CSNK1G2: variants seen among roughly 807,000 people sequenced by gnomAD.
CSNK1G2 encodes casein kinase 1 gamma 2, also known as casein kinase I isoform gamma-2.
A neutral mutation model predicts 48.0 loss-of-function variants in CSNK1G2; 11 were observed. The ratio of observed to expected loss-of-function variants is 0.23; its 90% CI spans 0.14 to 0.38. The LOEUF (loss-of-function observed/expected upper bound fraction) is 0.38. Ranked by LOEUF, CSNK1G2 falls within the 10% of genes least tolerant of loss-of-function variation. CSNK1G2 has a pLI of 1.00. For synonymous variants in CSNK1G2, 337 were observed against 254.1 expected (o/e 1.33, Z -3.10); for missense variants, 446 against 595.5 (o/e 0.75, Z 2.61).
chr19:1,958,077 C>T (rs772893012), intron 1 of CSNK1G2, among the ~76,000 whole-genome samples: 2 of 152,072 alleles, frequency 1.3e-5, no homozygotes, highest in Admixed American at 6.5e-5. Flanking sequence ...TGAGGGACAT[C>T]GGTGGCTGAG....
chr19:1,974,490 G>A (rs1166016399), intron 2 of CSNK1G2, among the ~76,000 whole-genome samples: 2 of 152,162 alleles, frequency 1.3e-5, no homozygotes, highest in Non-Finnish European at 2.9e-5. Context: ...GACCCTTGGG[G>A]GGTGCATCAA....
At position 1,968,388 on chromosome 19, in the gene CSNK1G2, C is replaced by T. The variant is rs1245803387; in HGVS notation, c.-265-1120C>T. Among the ~76,000 whole-genome samples, 6 of 152,178 alleles carry T rather than the reference C, an allele frequency of 3.9e-5. No homozygotes were observed. In the South Asian group the frequency reaches 6.2e-4, roughly 16 times the overall value. ...CTCCTCCCTCCTCCCCAGGCTGTCCCGAGGCTCCTTGCTGGGGACCGTCCT... is the reference window on the plus strand; with the variant it reads ...CTCCTCCCTCCTCCCCAGGCTGTCCTGAGGCTCCTTGCTGGGGACCGTCCT... On this transcript the variant is annotated intron_variant, in intron 1 of 11. Coordinates refer to ENST00000255641, the MANE Select transcript of CSNK1G2 (RefSeq NM_001319.7).
At position 1,978,378 on chromosome 19, in the gene CSNK1G2, C is replaced by T. The variant is rs759779856; in HGVS notation, c.228+33C>T. On this transcript the variant is annotated intron_variant, in intron 3 of 11. Transcript: ENST00000255641. The surrounding 1 kb of genome is among the most constrained non-coding windows in gnomAD (Gnocchi z 7.3). Reference sequence around the variant, plus strand: ...GGCCCCTCCACCCCACCCCCGCTGACGTGCCCCCCAGGGATTTCAGGGCAG... The same window carrying T: ...GGCCCCTCCACCCCACCCCCGCTGATGTGCCCCCCAGGGATTTCAGGGCAG... 33 of 1,612,136 alleles carry T rather than the reference C, an allele frequency of 2.0e-5. 1 individual carries two copies. Among genetic ancestry groups the T allele is most frequent in the South Asian group, 1.6e-4 (15 of 91,050 alleles).
chr19:1,968,183 G>A (rs2015439945), intron 1 of CSNK1G2, among the ~76,000 whole-genome samples: 1 of 50,910 alleles, frequency 2.0e-5, no homozygotes, highest in Admixed American at 1.9e-4. Flanking sequence ...TCTGCAGGTG[G>A]GGCTCCTCCC....
At chr19:1,949,711 T>C (rs1241244986) in intron 1 of CSNK1G2, among the ~76,000 whole-genome samples, 1 of 152,226 alleles carries the variant, frequency 6.6e-6, no homozygotes, top group East Asian at 1.9e-4. Flanking sequence ...ATACCTGCAC[T>C]GTTTGGGTCC....
At chr19:1,945,184 G>A (rs1318129738) in intron 1 of CSNK1G2, among the ~76,000 whole-genome samples, 5 of 152,190 alleles carry the variant, frequency 3.3e-5, no homozygotes, top group African/African-American at 7.2e-5. Flanking sequence ...CTGTGCGCCC[G>A]CAAGGTTGCC....
chr19:1,976,379 A>T (rs2015756061), intron 2 of CSNK1G2, among the ~76,000 whole-genome samples: 1 of 152,110 alleles, frequency 6.6e-6, no homozygotes, highest in Admixed American at 6.5e-5. Flanking sequence ...CGTCCTCACG[A>T]TCCTGCACCC....
At position 1,957,609 on chromosome 19, in the gene CSNK1G2, C is replaced by T. The variant is rs1019416222; in HGVS notation, c.-265-11899C>T. 6.6e-5 allele frequency among the ~76,000 whole-genome samples: 10 copies of T among 152,338 alleles called. No individual in the cohort carries two copies. Among genetic ancestry groups the T allele is most frequent in the Admixed American group, 1.3e-4 (2 of 15,310 alleles). On this transcript the variant is annotated intron_variant, in intron 1 of 11. Coordinates refer to ENST00000255641, the MANE Select transcript of CSNK1G2 (RefSeq NM_001319.7). This position sits in a 1 kb window ranked among gnomAD's most constrained non-coding sequence, Gnocchi z 5.4. The stretch of plus-strand genomic sequence containing the variant: ...GTCCCCCATGTCCCCTCGCCCGGGG[C>T]GCGCTCCACAGGCTAGGCCACTTTC...
intron 2 of CSNK1G2, among the ~76,000 whole-genome samples, chr19:1,977,917 C>CT (rs1057308431): frequency 1.3e-5 from 2 of 152,148 alleles, no homozygotes; most frequent in Admixed American, 1.3e-4. Flanking sequence ...TGGGGCTCAC[C>CT]TGGGGGCCGA....
rs1414304945 is a variant in CSNK1G2, at chr19:1,946,301, A to ATTTATTTT, written c.-266+4886_-266+4887insATTTTTTT. ...TTATTTATTTATTTTTTATTTATTT[A>ATTTATTTT]TTTTTTTTAAGATGGAGTCTTGCAC... On this transcript the variant is annotated intron_variant, in intron 1 of 11. Transcript: ENST00000255641. Among the ~76,000 whole-genome samples the ATTTATTTT allele has an allele frequency of 3.5e-3, 256 of 72,946 alleles. 1 individual carries two copies. The highest frequency in any genetic ancestry group is 9.8e-3 in the Middle Eastern group (1 of 102). The allele number at this position is 72,946 out of a possible 152,430, so 47.9% of individuals were successfully genotyped here.
intron 1 of CSNK1G2, among the ~76,000 whole-genome samples, chr19:1,951,025 C>T (rs2014743066): frequency 1.4e-5 from 2 of 145,838 alleles, no homozygotes; most frequent in East Asian, 4.2e-4. Context: ...CTGTGTCTGT[C>T]CCCTGCTGTT....
At position 1,978,111 on chromosome 19, in the gene CSNK1G2, G is replaced by T. The variant is rs932472339; in HGVS notation, c.188-194G>T. Among the ~76,000 whole-genome samples, 1 of 152,102 alleles carries T rather than the reference G, an allele frequency of 6.6e-6. No individual in the cohort carries two copies. Among genetic ancestry groups the T allele is most frequent in the African/African-American group, 2.4e-5 (1 of 41,416 alleles). ...CGGTGACCACACGGGCAGGGTGCAG[G>T]TGTCGGGATGACTTGGCAGGCCATG... On this transcript the variant is annotated intron_variant, in intron 2 of 11. Transcript: ENST00000255641. This position sits in a 1 kb window ranked among gnomAD's most constrained non-coding sequence, Gnocchi z 7.3.
chr19:1,962,195 G>T (rs945804000), intron 1 of CSNK1G2, among the ~76,000 whole-genome samples: 5 of 152,160 alleles, frequency 3.3e-5, no homozygotes, highest in Non-Finnish European at 5.9e-5. Context: ...GCCAGATGTG[G>T]TGGCAGGTGC....
intron 1 of CSNK1G2, chr19:1,953,288 G>C (rs1280223687): frequency 4.2e-6 from 2 of 472,266 alleles, no homozygotes; most frequent in East Asian, 1.2e-4. Context: ...CTCTGCCCCC[G>C]GGCCACGGAG....
chr19:1,979,687 A>C (rs762606830), intron 9 of CSNK1G2, 44 bp downstream of exon 9: 11 of 1,601,436 alleles, frequency 6.9e-6, no homozygotes, highest in African/African-American at 2.7e-5. Context: ...GGACCGGGAA[A>C]CTGCCCTGAG....
intron 2 of CSNK1G2, among the ~76,000 whole-genome samples, chr19:1,977,134 G>T (rs2015785679): frequency 6.6e-6 from 1 of 152,238 alleles, no homozygotes. Flanking sequence ...TGAGAGACGG[G>T]GCTGCCCCAC....
intron 1 of CSNK1G2, among the ~76,000 whole-genome samples, chr19:1,959,620 CGT>C (rs2015125458): frequency 1.4e-5 from 1 of 72,220 alleles, no homozygotes; most frequent in Admixed American, 1.3e-4. Flanking sequence ...CCCCAGCACC[CGT>C]GCCACCTTTA....
intron 1 of CSNK1G2, among the ~76,000 whole-genome samples, chr19:1,963,090 G>C (rs986299498): frequency 9.8e-6 from 1 of 102,000 alleles, no homozygotes; most frequent in South Asian, 3.2e-4. Context: ...GCCAGACACA[G>C]AGGACATGCC....
At chr19:1,973,365 T>G (rs769430119) in intron 2 of CSNK1G2, among the ~76,000 whole-genome samples, 1 of 151,880 alleles carries the variant, frequency 6.6e-6, no homozygotes, top group Non-Finnish European at 1.5e-5. Context: ...AGATTACAGG[T>G]GCCTGCCACC....
Sources: allele counts gnomAD v4.1 joint callset (sites outside exome capture counted in the v4.1 genomes callset), GRCh38; gene constraint gnomAD v4.1.1; non-coding constraint Gnocchi (gnomAD v3.1); transcripts MANE v1.5; gene names NCBI Gene and HGNC (gene_info 2026-07-23, HGNC 2026-07-21).